RABGEF1: variants seen among roughly 807,000 people sequenced by gnomAD.
The protein encoded by RABGEF1 is rab5 GDP/GTP exchange factor.
A neutral mutation model predicts 57.3 loss-of-function variants in RABGEF1; 26 were observed. The ratio of observed to expected loss-of-function variants is 0.45; its 90% CI spans 0.33 to 0.63. The LOEUF is 0.63. RABGEF1 is among the 20% of genes least tolerant of loss of function. RABGEF1 has a pLI of 0.02. For missense variants in RABGEF1, 464 were observed against 607.6 expected, an observed-to-expected ratio of 0.76 and a Z score of 2.48; for synonymous variants, 185 against 210.7, an observed-to-expected ratio of 0.88 and a Z score of 1.06.
intron 1 of RABGEF1, among the ~76,000 whole-genome samples, chr7:66,761,375 A>G (rs887804272): frequency 3.3e-5 from 5 of 152,156 alleles, no homozygotes; most frequent in African/African-American, 9.7e-5. Flanking sequence ...TTTAGGTTCA[A>G]TTAATTTGCT....
chr7:66,780,287 G>A (rs561978109), intron 3 of RABGEF1, among the ~76,000 whole-genome samples: 83 of 152,276 alleles, frequency 5.5e-4, no homozygotes, highest in African/African-American at 1.8e-3. Context: ...GGATTTAAGC[G>A]CACAGACCTG....
intron 1 of RABGEF1, among the ~76,000 whole-genome samples, chr7:66,687,113 CTTTTTTT>C (rs71526570): frequency 9.6e-6 from 1 of 103,640 alleles, no homozygotes; most frequent in East Asian, 3.1e-4. Context: ...CCACGCCCGG[CTTTTTTT>C]TTTTTTTTTT....
intron 1 of RABGEF1, among the ~76,000 whole-genome samples, chr7:66,756,970 C>T (rs1802885704): frequency 6.6e-6 from 1 of 152,122 alleles, no homozygotes; most frequent in African/African-American, 2.4e-5. Context: ...TCACAGTCTT[C>T]TAACTAGTTT....
intron 2 of RABGEF1, among the ~76,000 whole-genome samples, chr7:66,733,058 G>A (rs1585013181): frequency 6.6e-6 from 1 of 152,160 alleles, no homozygotes; most frequent in East Asian, 1.9e-4. Context: ...TAGCCGCGTA[G>A]TCAAGGTTCC....
upstream of RABGEF1, among the ~76,000 whole-genome samples, chr7:66,737,065 A>G (rs1330087523): frequency 8.0e-6 from 1 of 125,464 alleles, no homozygotes; most frequent in African/African-American, 2.8e-5. Flanking sequence ...AGAGAGAGAG[A>G]GAGAGAGTGA....
chr7:66,686,558 G>A (rs143858295), intron 1 of RABGEF1, among the ~76,000 whole-genome samples: 8 of 152,292 alleles, frequency 5.3e-5, no homozygotes, highest in African/African-American at 1.7e-4. Flanking sequence ...GTAGAAACGT[G>A]TGTTATTTCA....
intron 7 of RABGEF1, among the ~76,000 whole-genome samples, chr7:66,801,276 GTATT>G (rs1161646048): frequency 6.6e-6 from 1 of 152,112 alleles, no homozygotes; most frequent in Non-Finnish European, 1.5e-5. Context: ...CATAATAGGT[GTATT>G]TATTTATGAG....
intron 1 of RABGEF1, among the ~76,000 whole-genome samples, chr7:66,746,163 C>G (rs1800166869): frequency 2.6e-5 from 4 of 152,068 alleles, no homozygotes; most frequent in Admixed American, 2.6e-4. Flanking sequence ...ATGTTTATCT[C>G]TTTGATGTTT....
intron 1 of RABGEF1, among the ~76,000 whole-genome samples, chr7:66,682,561 G>A (rs537906306): frequency 6.6e-6 from 1 of 152,278 alleles, no homozygotes; most frequent in South Asian, 2.1e-4. Flanking sequence ...CTCCCTGTCC[G>A]GCGGCTCCCC....
intron 1 of RABGEF1, among the ~76,000 whole-genome samples, chr7:66,746,092 C>G (rs1461630303): frequency 1.3e-5 from 2 of 152,186 alleles, no homozygotes; most frequent in East Asian, 3.8e-4. Flanking sequence ...ATGATCTGGA[C>G]TATTGTTACA....
chr7:66,771,423 G>T (rs1316698148), intron 1 of RABGEF1, among the ~76,000 whole-genome samples: 2 of 152,216 alleles, frequency 1.3e-5, no homozygotes, highest in African/African-American at 4.8e-5. Flanking sequence ...ACAGGTGTGA[G>T]CCACCACACC....
chr7:66,693,060 G>A (rs573407989), intron 1 of RABGEF1, among the ~76,000 whole-genome samples: 6 of 152,176 alleles, frequency 3.9e-5, no homozygotes, highest in South Asian at 2.1e-4. Flanking sequence ...GGCTGGTCCC[G>A]TGGCCTTCAC....
intron 8 of RABGEF1, 78 bp downstream of exon 8, chr7:66,805,474 C>A: frequency 1.3e-6 from 2 of 1,573,466 alleles, no homozygotes; most frequent in South Asian, 1.2e-5. Context: ...GTCACTTAGG[C>A]CCGTGACAGG....
upstream of RABGEF1, among the ~76,000 whole-genome samples, chr7:66,736,546 GATA>G (rs1797965130): frequency 3.9e-5 from 6 of 152,166 alleles, no homozygotes; most frequent in Admixed American, 3.9e-4. Flanking sequence ...CTAGAGCAGT[GATA>G]ATGAGGTTGA....
chr7:66,791,111 T>A (rs1464870684), intron 4 of RABGEF1, among the ~76,000 whole-genome samples: 1 of 152,246 alleles, frequency 6.6e-6, no homozygotes, highest in African/African-American at 2.4e-5. Context: ...ATGACCTTTA[T>A]GAAGAACATA....
intron 1 of RABGEF1, among the ~76,000 whole-genome samples, chr7:66,771,285 C>T (rs1177003174): frequency 6.6e-6 from 1 of 152,002 alleles, no homozygotes. Flanking sequence ...ACTACAGGCG[C>T]CCGCCACCAC....
At position 66,727,826 on chromosome 7, in the gene RABGEF1, A is replaced by G. The variant is rs114986629; in HGVS notation, c.-814-12170A>G. ...ACAGGTCTGTGTTCATGTTAACAATAGGAGAGGCATTTGTGAGCCAGAGGT... is the reference window on the plus strand; with the variant it reads ...ACAGGTCTGTGTTCATGTTAACAATGGGAGAGGCATTTGTGAGCCAGAGGT... On this transcript the variant is annotated intron_variant and NMD_transcript_variant, in intron 2 of 9. Transcript: ENST00000607882. 5.4e-3 allele frequency among the ~76,000 whole-genome samples: 825 copies of G among 152,316 alleles called. 8 individuals are homozygous for G. The highest frequency in any genetic ancestry group is 0.018 in the African/African-American group (758 of 41,562).
At chr7:66,746,385 C>T (rs1800223418) in intron 1 of RABGEF1, among the ~76,000 whole-genome samples, 1 of 151,444 alleles carries the variant, frequency 6.6e-6, no homozygotes, top group African/African-American at 2.4e-5. Context: ...CTCACTGCAA[C>T]CTCTGCTTCC....
At chr7:66,785,598 G>A (rs1177724678) in intron 4 of RABGEF1, among the ~76,000 whole-genome samples, 1 of 152,212 alleles carries the variant, frequency 6.6e-6, no homozygotes, top group Non-Finnish European at 1.5e-5. Context: ...TTTGTGGCCG[G>A]GTGCGGTGGC....
Sources: gnomAD v4.1 joint callset for allele counts (sites outside exome capture counted in the v4.1 genomes callset) on GRCh38, gnomAD v4.1.1 for gene constraint, MANE v1.5 for transcripts, NCBI Gene and HGNC (gene_info 2026-07-23, HGNC 2026-07-21) for gene names.